The following MARCHF1 variants were observed in gnomAD, a reference collection of about 807,000 sequenced individuals.
MARCHF1 encodes the protein E3 ubiquitin-protein ligase MARCHF1.
A neutral mutation model predicts 54.2 loss-of-function variants in MARCHF1; 40 were observed. That is an observed-to-expected ratio of 0.74 (90% confidence interval 0.57 to 0.96). The LOEUF (loss-of-function observed/expected upper bound fraction) is 0.96. MARCHF1 is among the 40% of genes least tolerant of loss of function. The pLI is 0.00. For missense variants in MARCHF1, 586 were observed against 656.5 expected, an observed-to-expected ratio of 0.89 and a Z score of 1.17; for synonymous variants, 236 against 236.3, an observed-to-expected ratio of 1.00 and a Z score of 0.01.
chr4:163,747,576 AAT>A (rs1363107133), intron 4 of MARCHF1, among the ~76,000 whole-genome samples: 2 of 152,220 alleles, frequency 1.3e-5, no homozygotes, highest in Admixed American at 1.3e-4. Flanking sequence ...GACGGGATTG[AAT>A]ATATAAGTCA....
At chr4:164,339,987 A>G (rs1729867059) in intron 1 of MARCHF1, among the ~76,000 whole-genome samples, 1 of 152,192 alleles carries the variant, frequency 6.6e-6, no homozygotes, top group African/African-American at 2.4e-5. Flanking sequence ...CTAGATATAC[A>G]CAATCTACCA....
chr4:163,849,805 G>A (rs991506887), intron 4 of MARCHF1, among the ~76,000 whole-genome samples: 2 of 152,062 alleles, frequency 1.3e-5, no homozygotes, highest in African/African-American at 4.8e-5. Context: ...ATCTGTATCA[G>A]AGTGACTGGT....
chr4:164,254,480 T>C (rs1360850693), intron 1 of MARCHF1, among the ~76,000 whole-genome samples: 2 of 151,162 alleles, frequency 1.3e-5, no homozygotes, highest in African/African-American at 4.9e-5. Context: ...TACACACACA[T>C]AGTGTGTATA....
At chr4:163,787,607 C>T (rs1747659338) in intron 4 of MARCHF1, among the ~76,000 whole-genome samples, 1 of 151,464 alleles carries the variant, frequency 6.6e-6, no homozygotes, top group Admixed American at 6.6e-5. Context: ...AAACTGACAC[C>T]CTTGTACACT....
At chr4:163,651,417 G>A (rs1467861568) in intron 5 of MARCHF1, among the ~76,000 whole-genome samples, 2 of 151,564 alleles carry the variant, frequency 1.3e-5, no homozygotes, top group African/African-American at 4.8e-5. Context: ...TTACCTTCTG[G>A]GAATTCCTTG....
chr4:164,358,599 T>C (rs1264621747), intron 1 of MARCHF1, among the ~76,000 whole-genome samples: 2 of 152,184 alleles, frequency 1.3e-5, no homozygotes, highest in Non-Finnish European at 2.9e-5. Context: ...AAGGAGATAT[T>C]ACTGGGTAAA....
chr4:163,956,848 G>A (rs187514181), intron 3 of MARCHF1, among the ~76,000 whole-genome samples: 11 of 152,032 alleles, frequency 7.2e-5, no homozygotes, highest in Admixed American at 2.0e-4. Context: ...ACTACAAAGC[G>A]AAACTTACTG....
chr4:163,660,733 C>T (rs551584057), intron 5 of MARCHF1, among the ~76,000 whole-genome samples: 46 of 151,930 alleles, frequency 3.0e-4, no homozygotes, highest in African/African-American at 2.2e-4. Flanking sequence ...TAATCACAGA[C>T]GGATATTAAA....
intron 1 of MARCHF1, among the ~76,000 whole-genome samples, chr4:164,378,082 A>C (rs933078464): frequency 6.6e-5 from 10 of 152,244 alleles, no homozygotes; most frequent in Non-Finnish European, 1.3e-4. Flanking sequence ...GTTTCAGAAG[A>C]GGTCAAGACT....
chr4:164,110,714 CAA>C (rs35186144), intron 2 of MARCHF1, among the ~76,000 whole-genome samples: 19,257 of 145,846 alleles, frequency 0.13, 1,870 homozygotes, highest in African/African-American at 0.28. Context: ...AATGAAAAGC[CAA>C]AAAAAAAAAA....
intron 8 of MARCHF1, among the ~76,000 whole-genome samples, chr4:163,549,163 C>T (rs1480633260): frequency 1.3e-5 from 2 of 152,254 alleles, no homozygotes; most frequent in Non-Finnish European, 2.9e-5. Flanking sequence ...CACGCGCCCA[C>T]CACCACGCCT....
chr4:163,949,852 T>C (rs1408562290), intron 3 of MARCHF1, among the ~76,000 whole-genome samples: 1 of 148,912 alleles, frequency 6.7e-6, no homozygotes, highest in East Asian at 2.0e-4. Context: ...AGGAGACCCA[T>C]ATTGGGTAGC....
intron 1 of MARCHF1, among the ~76,000 whole-genome samples, chr4:164,303,363 C>T (rs1338222998): frequency 1.3e-5 from 2 of 152,120 alleles, no homozygotes; most frequent in African/African-American, 2.4e-5. Context: ...ATGAAAAACT[C>T]ATTTGTGGTG....
intron 3 of MARCHF1, among the ~76,000 whole-genome samples, chr4:163,899,880 CT>C (rs1231374216): frequency 7.5e-6 from 1 of 132,500 alleles, no homozygotes; most frequent in Non-Finnish European, 1.7e-5. Context: ...CTTTCTTTTT[CT>C]TTTTTTCTTT....
intron 1 of MARCHF1, among the ~76,000 whole-genome samples, chr4:164,194,482 AT>A (rs900086351): frequency 2.6e-5 from 4 of 151,894 alleles, no homozygotes; most frequent in African/African-American, 7.3e-5. Context: ...AACATAGTTA[AT>A]TTTTTTTCAA....
intron 1 of MARCHF1, among the ~76,000 whole-genome samples, chr4:164,185,635 A>T (rs1730948170): frequency 6.6e-6 from 1 of 152,128 alleles, no homozygotes; most frequent in South Asian, 2.1e-4. Context: ...ATTAACTCAA[A>T]TATTTGCTAC....
Position 164,257,227 on chromosome 4 carries a change from G to A in MARCHF1, c.-323+126643C>T, listed in dbSNP as rs79177185. ...TGCAGAAGCTAAAGGTGCCTATTCA[G>A]AATGTAAACACAAACATATCTACAC... is the stretch of plus-strand genomic sequence containing the variant. On this transcript the variant is annotated intron_variant, in intron 1 of 9. Transcript: ENST00000514618. 9.4e-3 allele frequency among the ~76,000 whole-genome samples: 1,429 copies of A among 152,188 alleles called. 26 individuals are homozygous for A. Among genetic ancestry groups the A allele is most frequent in the African/African-American group, 0.033 (1,362 of 41,530 alleles).
intron 4 of MARCHF1, among the ~76,000 whole-genome samples, chr4:163,754,831 G>A (rs1422537161): frequency 6.6e-6 from 1 of 152,030 alleles, no homozygotes; most frequent in Non-Finnish European, 1.5e-5. Context: ...GACAGACAAA[G>A]TAAGTTAAAA....
rs563345614 is a variant in MARCHF1, at chr4:164,244,971, T to A, written c.-322-133309A>T. ...TGAAATTGTGGCAATAATCAATAGC[T>A]TACCAGCCAAAAAGAGTCCAGGACC... On this transcript the variant is annotated intron_variant, in intron 1 of 9. Coordinates refer to ENST00000514618, the MANE Select transcript of MARCHF1 (RefSeq NM_001394959.1). 2.8e-4 allele frequency among the ~76,000 whole-genome samples: 42 copies of A among 152,188 alleles called. No individual in the cohort carries two copies. The South Asian group carries it at 8.7e-3, about 32-fold the overall frequency.
Sources: gnomAD v4.1 joint callset for allele counts (sites outside exome capture counted in the v4.1 genomes callset) on GRCh38, gnomAD v4.1.1 for gene constraint, MANE v1.5 for transcripts, NCBI Gene and HGNC (gene_info 2026-07-23, HGNC 2026-07-21) for gene names.